Variants in CFAP97 observed in about 807,000 individuals in gnomAD.
The protein encoded by CFAP97 is cilia- and flagella-associated protein 97.
Under a neutral mutation model 43.1 loss-of-function variants are expected in CFAP97, and 36 were observed. The ratio of observed to expected loss-of-function variants is 0.84; its 90% CI spans 0.64 to 1.10. CFAP97 has a LOEUF of 1.10. Among genes scored for constraint, CFAP97 ranks in the 50% least tolerant of loss-of-function variants. The pLI, the probability that CFAP97 is intolerant of heterozygous loss-of-function variation, is 0.00. For synonymous variants in CFAP97, 228 were observed against 225.7 expected, an observed-to-expected ratio of 1.01 and a Z score of -0.09; for missense variants, 657 against 620.3, an observed-to-expected ratio of 1.06 and a Z score of -0.63.
At chr4:185,178,157 A>C (rs1560861426) in intron 2 of CFAP97, among the ~76,000 whole-genome samples, 1 of 151,900 alleles carries the variant, frequency 6.6e-6, no homozygotes, top group Non-Finnish European at 1.5e-5. Flanking sequence ...ATTTTGTAGA[A>C]CAAGGCTTCT....
chr4:185,183,778 G>A (rs1220001570), intron 2 of CFAP97, among the ~76,000 whole-genome samples: 1 of 152,178 alleles, frequency 6.6e-6, no homozygotes, highest in African/African-American at 2.4e-5. Flanking sequence ...CTGGCAAAAT[G>A]CCATGTTTGT....
At chr4:185,184,082 C>A (rs1735908554) in intron 2 of CFAP97, among the ~76,000 whole-genome samples, 1 of 152,086 alleles carries the variant, frequency 6.6e-6, no homozygotes, top group South Asian at 2.1e-4. Context: ...TTCAATGGAA[C>A]CAAATAGTTT....
rs1735905172 is a variant in CFAP97 at position 185,183,985 on chromosome 4, T to C, written c.1054+6158A>G. Among the ~76,000 whole-genome samples, 2 of 152,232 alleles carry C rather than the reference T, an allele frequency of 1.3e-5. 1 individual carries two copies. Among genetic ancestry groups the C allele is most frequent in the South Asian group, 4.1e-4 (2 of 4,830 alleles). On this transcript the variant is annotated intron_variant, in intron 2 of 4. Coordinates refer to ENST00000458385, the MANE Select transcript of CFAP97 (RefSeq NM_020827.3). ...GAGTTTGGGGTAGGATTATTTTTCT[T>C]ATTTAAAAGTTAAAAATATTTAGGT...
Position 185,199,156 on chromosome 4 carries a change from T to C in CFAP97, c.-17+4742A>G, listed in dbSNP as rs7676186. Among the ~76,000 whole-genome samples the C allele has an allele frequency of 3.3e-5, 5 of 152,144 alleles. No individual in the cohort carries two copies. In the South Asian group the frequency reaches 1.0e-3, roughly 32 times the overall value. On this transcript the variant is annotated intron_variant, in intron 1 of 4. Coordinates refer to ENST00000458385, the MANE Select transcript of CFAP97 (RefSeq NM_020827.3). The stretch of plus-strand genomic sequence containing the variant: ...GGGAGGCTGAGACGGGCGGATCACT[T>C]GAGGCCAGGAGATGGAGACCAGCCT...
chr4:185,190,275 C>A lies in CFAP97; in HGVS notation c.922G>T (p.Ala308Ser). 1 of 1,611,920 alleles carries A rather than the reference C, an allele frequency of 6.2e-7. No homozygotes were observed. ...TCATGTTTTTCTTTCCCTTTTTTGG[C>A]TGCTTTCAAATATTTTGAATTATTT... Reference protein sequence around the residue: ...LKNNSKYLKAAKKGKEKHEPD... With the variant: ...LKNNSKYLKASKKGKEKHEPD... Residue 308 changes from alanine to serine, a missense_variant, in exon 2 of 5, where the codon GCC (alanine) becomes TCC (serine). Ala to Ser is a moderately conservative substitution (Grantham distance 99). Coordinates refer to ENST00000458385, the MANE Select transcript of CFAP97 (RefSeq NM_020827.3).
chr4:185,199,655 G>A (rs960316653), intron 1 of CFAP97, among the ~76,000 whole-genome samples: 4 of 152,128 alleles, frequency 2.6e-5, no homozygotes, highest in Admixed American at 1.3e-4. Context: ...GGGTGAGGCA[G>A]CAAGACTCTG....
chr4:185,174,287 A>G (rs1735430687), intron 3 of CFAP97, among the ~76,000 whole-genome samples: 1 of 152,240 alleles, frequency 6.6e-6, no homozygotes, highest in African/African-American at 2.4e-5. Context: ...TCCACGAAAC[A>G]TGAACAAATC....
chr4:185,208,874 A>G (rs1737330450), upstream of CFAP97, among the ~76,000 whole-genome samples: 1 of 152,252 alleles, frequency 6.6e-6, no homozygotes, highest in African/African-American at 2.4e-5. Flanking sequence ...AGCAAGCGTT[A>G]TCTGTATATT....
At chr4:185,164,982 G>A (rs964275923) in intron 3 of CFAP97, among the ~76,000 whole-genome samples, 8 of 152,206 alleles carry the variant, frequency 5.3e-5, no homozygotes, top group African/African-American at 9.6e-5. Flanking sequence ...CTGGGGAAAG[G>A]CCAGCAGGGA....
In CFAP97 at chr4:185,190,518, T is replaced by C. The variant is rs1395978109; in HGVS notation, c.679A>G (p.Ile227Val). Reference protein sequence around the residue: ...LSPKHKYKSGIKSTETQPSST... With the variant: ...LSPKHKYKSGVKSTETQPSST... ...GAAGGCTGTGTTTCTGTCGATTTTA[T>C]TCCTGATTTATACTTGTGTTTTGGT... The change falls in exon 2 of 5, where the codon ATA becomes GTA. Residue 227 changes from isoleucine to valine, a missense_variant. Coordinates refer to ENST00000458385, the MANE Select transcript of CFAP97 (RefSeq NM_020827.3). 4.3e-6 allele frequency: 7 copies of C among 1,613,862 alleles called. No individual in the cohort carries two copies. In the Admixed American group the frequency reaches 1.0e-4, roughly 23 times the overall value.
upstream of CFAP97, chr4:185,209,709 G>T (rs1737436755): frequency 2.6e-5 from 26 of 982,874 alleles, no homozygotes; most frequent in South Asian, 2.4e-4. The surrounding 1 kb of genome is among the most constrained non-coding windows in gnomAD (Gnocchi z 5.2). Context: ...GTCTGCGGGG[G>T]CCGCTCCCTC....
intron 2 of CFAP97, among the ~76,000 whole-genome samples, chr4:185,177,140 G>A (rs959259658): frequency 1.3e-5 from 2 of 152,144 alleles, no homozygotes; most frequent in Non-Finnish European, 2.9e-5. Flanking sequence ...GAGGCCAGGC[G>A]CGGTGGCTCA....
At chr4:185,193,456 C>G (rs569630874) in intron 1 of CFAP97, among the ~76,000 whole-genome samples, 19 of 152,068 alleles carry the variant, frequency 1.2e-4, no homozygotes, top group African/African-American at 4.6e-4. Flanking sequence ...ACTACTCTGG[C>G]CAATATAGTG....
At chr4:185,191,260 T>C in intron 1 of CFAP97, 48 bp from the exon 2 acceptor site, 1 of 1,264,356 alleles carries the variant, frequency 7.9e-7, no homozygotes, top group African/African-American at 1.5e-5. Flanking sequence ...TTCCAAATAC[T>C]TTCCATTTGT....
chr4:185,164,829 GT>G (rs1465763380), intron 3 of CFAP97, among the ~76,000 whole-genome samples: 1 of 152,236 alleles, frequency 6.6e-6, no homozygotes, highest in Non-Finnish European at 1.5e-5. Context: ...TGTAATAGGA[GT>G]TATAATGCTA....
At chr4:185,186,720 A>G (rs1201935323) in intron 2 of CFAP97, among the ~76,000 whole-genome samples, 2 of 152,202 alleles carry the variant, frequency 1.3e-5, no homozygotes, top group African/African-American at 4.8e-5. Context: ...TTATATGGCA[A>G]CTACATAATG....
At position 185,190,845 on chromosome 4, in the gene CFAP97, T is replaced by C; in HGVS notation, c.352A>G (p.Asn118Asp). 1 of 1,610,832 alleles carries C rather than the reference T, an allele frequency of 6.2e-7. No homozygotes were observed. Among genetic ancestry groups the C allele is most frequent in the Non-Finnish European group, 8.5e-7 (1 of 1,178,176 alleles). The change falls in exon 2 of 5, where the codon AAT becomes GAT. Residue 118 changes from asparagine to aspartate, a missense_variant. By Grantham distance (23) the Asn-to-Asp change is conservative (BLOSUM62 1). Transcript: ENST00000458385. ...TGLKIHVSIP[N>D]RIPKIVKEGE... The stretch of plus-strand genomic sequence containing the variant: ...TCTTTTACAATTTTGGGAATTCTAT[T>C]TGGAATGGACACGTGTATTTTAAGT...
chr4:185,206,450 C>G (rs1737188974), upstream of CFAP97, among the ~76,000 whole-genome samples: 1 of 150,742 alleles, frequency 6.6e-6, no homozygotes, highest in South Asian at 2.1e-4. Context: ...GTGGACAGAT[C>G]CTGAGGTCGG....
chr4:185,174,797 A>G (rs935872454), intron 3 of CFAP97, among the ~76,000 whole-genome samples: 1 of 152,218 alleles, frequency 6.6e-6, no homozygotes, highest in African/African-American at 2.4e-5. Context: ...AATTGTTGTC[A>G]GGATTCAATA....
Sources: allele counts gnomAD v4.1 joint callset (sites outside exome capture counted in the v4.1 genomes callset), GRCh38; gene constraint gnomAD v4.1.1; non-coding constraint Gnocchi (gnomAD v3.1); transcripts MANE v1.5; gene names NCBI Gene and HGNC (gene_info 2026-07-23, HGNC 2026-07-21).